The following ADAR variants were observed in gnomAD, a reference collection of about 807,000 sequenced individuals.
The protein encoded by ADAR is adenosine deaminase RNA specific.
In ADAR, 41 loss-of-function variants were observed where a neutral mutation model predicts 113.2. The observed-to-expected ratio is 0.36, with a 90% CI of 0.28 to 0.47. The LOEUF (loss-of-function observed/expected upper bound fraction) is 0.47. ADAR is among the 20% of genes least tolerant of loss of function. The probability of loss-of-function intolerance (pLI) is 1.00; values close to 1 mark genes in which losing one functional copy is unlikely to be tolerated. For missense variants in ADAR, 1,242 were observed against 1,540.9 expected, an observed-to-expected ratio of 0.81 and a Z score of 3.25; for synonymous variants, 605 against 572.6, an observed-to-expected ratio of 1.06 and a Z score of -0.81.
At chr1:154,590,070 C>T (rs1320026641) in intron 7 of ADAR, 114 bp downstream of exon 7, 5 of 1,492,794 alleles carry the variant, frequency 3.3e-6, no homozygotes, top group East Asian at 2.3e-5. Flanking sequence ...ACTGCTCTCT[C>T]GAGGCTAAGA....
intron 13 of ADAR, 148 bp downstream of exon 13, chr1:154,585,605 T>C (rs1696707003): frequency 1.1e-6 from 1 of 879,092 alleles, no homozygotes; most frequent in Non-Finnish European, 1.8e-6. Context: ...CAACCAATGT[T>C]GGTGGTGGGC....
chr1:154,607,918 C>T, intron 1 of ADAR, 74 bp downstream of exon 1: 3 of 1,601,662 alleles, frequency 1.9e-6, no homozygotes. Context: ...ACACGCTACG[C>T]ACTGCAACAC....
In ADAR at chr1:154,598,383, ATGGC is replaced by A. The variant is rs1449254372; in HGVS notation, c.1785+15_1785+18del. The A allele has an allele frequency of 3.1e-6, 5 of 1,612,222 alleles. No homozygotes were observed. The South Asian group carries it at 5.5e-5, about 18-fold the overall frequency. ...ACTGACAGGGAACTGATCCTCCCAG[ATGGC>A]AGGAGGACACCTACCTTCTCTGATT... On this transcript the variant is annotated intron_variant, in intron 3 of 14. Transcript: ENST00000368474.
Position 154,608,120 on chromosome 1 carries a change from T to TG in ADAR, c.-115dup. 7.4e-7 allele frequency: 1 copy of TG among 1,358,642 alleles called. No homozygotes were observed. Among genetic ancestry groups the TG allele is most frequent in the Non-Finnish European group, 9.7e-7 (1 of 1,034,444 alleles). The allele number at this position is 1,358,642 out of a possible 1,614,324, so 84.2% of individuals were successfully genotyped here. A position where few individuals can be genotyped will look rare whatever the true frequency, so the allele number is the denominator to read the frequency against. ...CGCCTCCGCTACTCCGCACTGGAAG[T>TG]GGCCCCGGGGCGTCGGCACGGGAAA... On this transcript the variant is annotated 5_prime_UTR_variant, in exon 1 of 15. Coordinates refer to ENST00000368474, the MANE Select transcript of ADAR (RefSeq NM_001111.5).
chr1:154,588,215 T>G lies in ADAR; in HGVS notation c.2929A>C (p.Ser977Arg), dbSNP rs766544371. The change falls in exon 11 of 15, where the codon AGC becomes CGC. Residue 977 changes from serine (S) to arginine (R), a missense_variant. Ser to Arg is a moderately radical substitution (Grantham distance 110). This residue lies in a region of ADAR where 780 missense variants were observed against 1,057.9 expected (regional missense o/e 0.74). Transcript: ENST00000368474. ...TCTGTGCTTTCCATAGCACGGTCGC[T>G]GCAGGACTTGTCAAAGAGGGCGCCA... The part of the protein sequence containing the change: ...GDGALFDKSC[S>R]DRAMESTESR... 4 of 1,613,946 alleles carry G rather than the reference T, an allele frequency of 2.5e-6. No homozygotes were observed. Among genetic ancestry groups the G allele is most frequent in the Non-Finnish European group, 3.4e-6 (4 of 1,180,032 alleles).
chr1:154,601,199 G>C lies in ADAR; in HGVS notation c.1443C>G (p.Ser481=). ...ACCGTGGCAAGCCATGACTGTAGAA[G>C]GAGGGCATCTCCATGATGGCTCGAA... ...GEFRAIMEMP[S]FYSHGLPRCS... is the part of the protein sequence containing the mutation. The change falls in exon 2 of 15, where the codon TCC becomes TCG. Residue 481 remains serine, a synonymous_variant. Transcript: ENST00000368474. The surrounding 1 kb of genome is among the most constrained non-coding windows in gnomAD (Gnocchi z 4.7). The C allele has an allele frequency of 6.2e-7, 1 of 1,614,218 alleles. No homozygotes were observed. The highest frequency in any genetic ancestry group is 1.6e-4 in the Middle Eastern group (1 of 6,062).
At chr1:154,611,210 T>G (rs546652437), upstream of ADAR, among the ~76,000 whole-genome samples, 4 of 152,290 alleles carry the variant, frequency 2.6e-5, no homozygotes, top group East Asian at 7.7e-4. Context: ...CCAGAAAAGC[T>G]TTAATCACAA....
rs1386707218 is a variant in ADAR at position 154,601,952 on chromosome 1, T to C, written c.690A>G (p.Glu230=). ...CTGAGACAGATGTGGAGTTTCTGTC[T>C]TCCGGTTCCAAACTCGGGTCTGAGT... is the stretch of plus-strand genomic sequence containing the variant. ...APNSDPSLEP[E]DRNSTSVSED... Residue 230 remains glutamate, a synonymous_variant, in exon 2 of 15, where the codon GAA becomes GAG. Transcript: ENST00000368474. This position sits in a 1 kb window ranked among gnomAD's most constrained non-coding sequence, Gnocchi z 4.7. 3 of 1,613,964 alleles carry C rather than the reference T, an allele frequency of 1.9e-6. No individual in the cohort carries two copies. The highest frequency in any genetic ancestry group is 1.3e-5 in the African/African-American group (1 of 74,880).
At chr1:154,609,291 G>T (rs1389758), upstream of ADAR, among the ~76,000 whole-genome samples, 26 of 152,384 alleles carry the variant, frequency 1.7e-4, no homozygotes, top group African/African-American at 5.3e-4. Flanking sequence ...TCTAACTGCT[G>T]GATTTTTGTT....
rs1696904101 is a variant in ADAR at position 154,588,387 on chromosome 1, A to AC, written c.2886-130dup. ...GCCTACCATGGGAGACTGGAGGTGGACAGCAGTACATGTGAGTCATCTACA... is the reference window on the plus strand; with the variant it reads ...GCCTACCATGGGAGACTGGAGGTGGACCAGCAGTACATGTGAGTCATCTACA... On this transcript the variant is annotated intron_variant, in intron 10 of 14. Coordinates refer to ENST00000368474, the MANE Select transcript of ADAR (RefSeq NM_001111.5). 2.6e-5 allele frequency: 39 copies of AC among 1,499,248 alleles called. No individual in the cohort carries two copies. The East Asian group carries it at 8.8e-4, about 34-fold the overall frequency. The allele number at this position is 1,499,248 out of a possible 1,614,324, so 92.9% of individuals were successfully genotyped here.
chr1:154,594,948 GTA>G (rs1697399656), intron 6 of ADAR, among the ~76,000 whole-genome samples: 1 of 152,212 alleles, frequency 6.6e-6, no homozygotes, highest in African/African-American at 2.4e-5. Flanking sequence ...CAAGAAACTG[GTA>G]TAGTCATGTA....
rs1241297931 is a variant in ADAR at position 154,594,671 on chromosome 1, G to T, written c.2270+2134C>A. Reference sequence around the variant, plus strand: ...ACCAGCTGCATGTTTAACCAAAAAAGCCTCTATAGAAAGCATACTTTCTGG... The same window carrying T: ...ACCAGCTGCATGTTTAACCAAAAAATCCTCTATAGAAAGCATACTTTCTGG... On this transcript the variant is annotated intron_variant, in intron 6 of 14. Coordinates refer to ENST00000368474, the MANE Select transcript of ADAR (RefSeq NM_001111.5). 2.0e-5 allele frequency among the ~76,000 whole-genome samples: 3 copies of T among 152,294 alleles called. No homozygotes were observed. In the East Asian group the frequency reaches 5.8e-4, roughly 29 times the overall value.
chr1:154,586,459 C>A, intron 11 of ADAR, 96 bp from the exon 12 acceptor site: 1 of 1,211,678 alleles, frequency 8.3e-7, no homozygotes, highest in South Asian at 1.3e-5. Flanking sequence ...CCACAGGCTA[C>A]ATTCATTCAT....
rs60275571 is a variant in ADAR at position 154,625,959 on chromosome 1, G to A, written c.-871+1896C>T. Among the ~76,000 whole-genome samples the A allele has an allele frequency of 1.7e-3, 237 of 141,166 alleles. 2 individuals are homozygous for A. Among genetic ancestry groups the A allele is most frequent in the African/African-American group, 6.0e-3 (223 of 37,246 alleles). 92.6% of individuals were successfully genotyped at this position (141,166 alleles called of 152,430 possible). A position where few individuals can be genotyped will look rare whatever the true frequency, so the allele number is the denominator to read the frequency against. On this transcript the variant is annotated intron_variant, in intron 1 of 14. Coordinates refer to the ADAR transcript ENST00000368471. The stretch of plus-strand genomic sequence containing the variant: ...GTAGAGTTTGCAGTGAGCTGAGATC[G>A]CATCATTGCACTCCAGCCTGCGCGA...
upstream of ADAR, among the ~76,000 whole-genome samples, chr1:154,612,893 C>T (rs958211291): frequency 1.3e-5 from 2 of 151,956 alleles, no homozygotes; most frequent in Non-Finnish European, 1.5e-5. Flanking sequence ...CTCACTGCAA[C>T]CTCCACCTCC....
rs149012931 is a variant in ADAR at position 154,589,920 on chromosome 1, G to T, written c.2505C>A (p.Leu835=). The T allele has an allele frequency of 6.2e-7, 1 of 1,614,096 alleles. No homozygotes were observed. The change falls in exon 8 of 15, where the codon CTC becomes CTA. Residue 835 remains leucine (L), a synonymous_variant. Transcript: ENST00000368474. ...SPEAQPKTLP[L]TGSTFHDQIA... is the part of the protein sequence containing the mutation. The stretch of plus-strand genomic sequence containing the variant: ...TCTGGTCATGGAAGGTGCTGCCAGT[G>T]AGAGGGAGCTGTGGGGAAAAGAGGC...
intron 2 of ADAR, chr1:154,600,075 G>A (rs1042622918): frequency 6.6e-6 from 1 of 152,352 alleles, no homozygotes; most frequent in African/African-American, 2.4e-5. Context: ...GGAGGGGAAG[G>A]CCTACAGAAG....
At position 154,602,400 on chromosome 1, in the gene ADAR, G is replaced by A. The variant is rs1257717140; in HGVS notation, c.242C>T (p.Ser81Phe). Reference protein sequence around the residue: ...LRPRFPVLLASSTRGRQVDIR... With the variant: ...LRPRFPVLLAFSTRGRQVDIR... ...GTCCACTTGCCTGCCTCTGGTACTG[G>A]AGGCAAGTAGTACTGGAAACCTTGG... The change falls in exon 2 of 15, where the codon TCC becomes TTC. Residue 81 changes from serine to phenylalanine, a missense_variant. Physicochemically the swap from Ser to Phe is radical, Grantham distance 155. This residue lies in a region of ADAR where 462 missense variants were observed against 483.1 expected (regional missense o/e 0.96). Coordinates refer to ENST00000368474, the MANE Select transcript of ADAR (RefSeq NM_001111.5). The A allele has an allele frequency of 1.2e-6, 2 of 1,604,434 alleles. No individual in the cohort carries two copies. The highest frequency in any genetic ancestry group is 1.7e-5 in the Admixed American group (1 of 59,546).
Position 154,601,715 on chromosome 1 carries a change from A to T in ADAR, c.927T>A (p.Asn309Lys). The T allele has an allele frequency of 6.2e-7, 1 of 1,614,204 alleles. No individual in the cohort carries two copies. The highest frequency in any genetic ancestry group is 1.1e-5 in the South Asian group (1 of 91,086). The change falls in exon 2 of 15, where the codon AAT (asparagine) becomes AAA (lysine). Residue 309 changes from asparagine to lysine, a missense_variant. Asn to Lys is a moderately conservative substitution (Grantham distance 94). This residue lies in a region of ADAR where 462 missense variants were observed against 483.1 expected (regional missense o/e 0.96). Coordinates refer to ENST00000368474, the MANE Select transcript of ADAR (RefSeq NM_001111.5). The surrounding 1 kb of genome is among the most constrained non-coding windows in gnomAD (Gnocchi z 4.7). ...IKEKICDYLF[N>K]VSDSSALNLA... is the part of the protein sequence containing the mutation. Reference sequence around the variant, plus strand: ...AATTCAGGGCAGAGGAGTCAGACACATTGAAGAGATAGTCGCAGATTTTCT... The same window carrying T: ...AATTCAGGGCAGAGGAGTCAGACACTTTGAAGAGATAGTCGCAGATTTTCT...
Sources: gnomAD v4.1 joint callset for allele counts (sites outside exome capture counted in the v4.1 genomes callset) on GRCh38, gnomAD v4.1.1 for gene constraint, gnomAD v4.1.1 regional missense constraint, Gnocchi (gnomAD v3.1) non-coding constraint, MANE v1.5 for transcripts, NCBI Gene and HGNC (gene_info 2026-07-23, HGNC 2026-07-21) for gene names.